Variants in NT5C2 observed in about 807,000 individuals in gnomAD.
NT5C2 encodes 5'-nucleotidase, cytosolic II, also known as cytosolic purine 5'-nucleotidase.
In NT5C2, 58 loss-of-function variants were observed where a neutral mutation model predicts 76.1. That is an observed-to-expected ratio of 0.76 (90% CI 0.62 to 0.95). NT5C2 has a LOEUF of 0.95. Ranked by LOEUF, NT5C2 falls within the 40% of genes least tolerant of loss-of-function variation. The pLI is 0.00. For synonymous variants in NT5C2, 229 were observed against 237.4 expected (o/e 0.96, Z 0.32); for missense variants, 478 against 690.3 (o/e 0.69, Z 3.45).
chr10:103,177,218 C>G (rs1298207943), intron 2 of NT5C2, among the ~76,000 whole-genome samples: 1 of 152,086 alleles, frequency 6.6e-6, no homozygotes, highest in Non-Finnish European at 1.5e-5. Flanking sequence ...GCAATAAAGA[C>G]TATGAACAAA....
chr10:103,111,967 T>C (rs2073154456), intron 4 of NT5C2, among the ~76,000 whole-genome samples: 1 of 152,220 alleles, frequency 6.6e-6, no homozygotes, highest in African/African-American at 2.4e-5. Context: ...ATCACTAAAA[T>C]TAGCCTAATT....
Position 103,089,739 on chromosome 10 carries a change from G to A in NT5C2, c.1619C>T (p.Ala540Val), listed in dbSNP as rs200203060. The A allele has an allele frequency of 6.2e-6, 10 of 1,613,686 alleles. No individual in the cohort carries two copies. The highest frequency in any genetic ancestry group is 1.1e-5 in the South Asian group (1 of 91,030). Reference sequence around the variant, plus strand: ...ATGGCAGTGTGTAATTTCCTGGGGGGCCAGTGGGAAGAGGTTGGGAGGTTT... The same window carrying A: ...ATGGCAGTGTGTAATTTCCTGGGGGACCAGTGGGAAGAGGTTGGGAGGTTT... Reference protein sequence around the residue: ...EIKPPNLFPLAPQEITHCHDE... With the variant: ...EIKPPNLFPLVPQEITHCHDE... The change falls in exon 19 of 19, where the codon GCC (alanine) becomes GTC (valine). Residue 540 changes from alanine (A) to valine (V), a missense_variant. Ala to Val is a moderately conservative substitution (Grantham distance 64, BLOSUM62 0). Coordinates refer to ENST00000404739, the MANE Select transcript of NT5C2 (RefSeq NM_001351169.2).
At chr10:103,190,001 T>C (rs11191601) in intron 1 of NT5C2, among the ~76,000 whole-genome samples, 39,870 of 137,002 alleles carry the variant, frequency 0.29, 6,003 homozygotes, top group Middle Eastern at 0.33. Flanking sequence ...GGCTTTCTTT[T>C]TTTTTTTTTT....
chr10:103,158,118 G>T (rs952895502), intron 3 of NT5C2, among the ~76,000 whole-genome samples: 2 of 150,472 alleles, frequency 1.3e-5, no homozygotes, highest in Admixed American at 1.3e-4. Context: ...CAAATATGTA[G>T]AAATTAAACA....
intron 11 of NT5C2, among the ~76,000 whole-genome samples, chr10:103,096,469 C>G (rs59356288): frequency 6.6e-6 from 1 of 152,144 alleles, no homozygotes; most frequent in East Asian, 1.9e-4. Context: ...TTTTAAGTGT[C>G]TCAGCAAAAG....
chr10:103,160,193 CA>C (rs1484371898), intron 3 of NT5C2, among the ~76,000 whole-genome samples: 3 of 151,632 alleles, frequency 2.0e-5, no homozygotes, highest in Non-Finnish European at 2.9e-5. Flanking sequence ...TAGTCATGTG[CA>C]AAAAAATGAA....
At chr10:103,146,049 C>T (rs2081419778) in intron 3 of NT5C2, 4 of 985,098 alleles carry the variant, frequency 4.1e-6, no homozygotes, top group Non-Finnish European at 4.8e-6. Context: ...CACTGGTTGC[C>T]GTTTTGAAAA....
At chr10:103,192,570 G>A (rs2092717346) in intron 1 of NT5C2, among the ~76,000 whole-genome samples, 1 of 152,242 alleles carries the variant, frequency 6.6e-6, no homozygotes, top group South Asian at 2.1e-4. Context: ...CCCTGACCAG[G>A]AGCTGTCCGG....
chr10:103,099,247 G>T (rs1352818492), intron 9 of NT5C2, among the ~76,000 whole-genome samples: 1 of 152,134 alleles, frequency 6.6e-6, no homozygotes, highest in East Asian at 1.9e-4. Context: ...CTAATTTTCT[G>T]TATTTCTTGT....
rs574871512 is a variant in NT5C2, at chr10:103,153,518, T to A, written c.102-14039A>T. 35 of 985,186 alleles carry A rather than the reference T, an allele frequency of 3.6e-5. No homozygotes were observed. The South Asian group carries it at 1.2e-3, about 33-fold the overall frequency. The allele number at this position is 985,186 out of a possible 1,614,324, so 61.0% of individuals were successfully genotyped here. A position where few individuals can be genotyped will look rare whatever the true frequency, so the allele number is the denominator to read the frequency against. On this transcript the variant is annotated intron_variant, in intron 3 of 18. Transcript: ENST00000404739. Reference sequence around the variant, plus strand: ...CTTGAAAACTTAAGAATAATTTTTTTAAAAATTTCAAGACTAGGAAAAATA... The same window carrying A: ...CTTGAAAACTTAAGAATAATTTTTTAAAAAATTTCAAGACTAGGAAAAATA...
At chr10:103,130,046 G>C (rs1453062653) in intron 4 of NT5C2, among the ~76,000 whole-genome samples, 1 of 151,804 alleles carries the variant, frequency 6.6e-6, no homozygotes, top group African/African-American at 2.4e-5. Flanking sequence ...CACCCTGTCT[G>C]GGAGGTGTGC....
intron 4 of NT5C2, among the ~76,000 whole-genome samples, chr10:103,109,917 C>G (rs570619492): frequency 6.6e-6 from 1 of 152,236 alleles, no homozygotes; most frequent in Non-Finnish European, 1.5e-5. Context: ...AAACACTATA[C>G]TTGCCACATT....
At chr10:103,176,023 C>T (rs571660638) in intron 2 of NT5C2, 28 of 173,542 alleles carry the variant, frequency 1.6e-4, no homozygotes, top group Non-Finnish European at 2.5e-4. Flanking sequence ...AGAAGAAGCC[C>T]CAGGCTACAG....
intron 2 of NT5C2, among the ~76,000 whole-genome samples, chr10:103,179,974 TGG>T (rs1411648375): frequency 1.3e-5 from 2 of 152,166 alleles, no homozygotes; most frequent in Non-Finnish European, 2.9e-5. Flanking sequence ...AGACAAGCTA[TGG>T]TTTGGGACAA....
At chr10:103,167,021 T>C (rs1474773923) in intron 3 of NT5C2, among the ~76,000 whole-genome samples, 1 of 143,644 alleles carries the variant, frequency 7.0e-6, no homozygotes. Context: ...ATTATTTTTC[T>C]TTTTTTTTTT....
At chr10:103,094,844 T>C (rs888252551) in intron 12 of NT5C2, among the ~76,000 whole-genome samples, 2 of 146,008 alleles carry the variant, frequency 1.4e-5, no homozygotes, top group Non-Finnish European at 3.0e-5. Flanking sequence ...ATCGTGCCAC[T>C]GCACTCCAGC....
At chr10:103,138,443 C>G (rs879340052) in intron 4 of NT5C2, among the ~76,000 whole-genome samples, 4 of 152,098 alleles carry the variant, frequency 2.6e-5, no homozygotes, top group Admixed American at 6.5e-5. Flanking sequence ...CTCTCACCCC[C>G]CGACAAGCCT....
At position 103,091,693 on chromosome 10, in the gene NT5C2, G is replaced by C. The variant is rs2066934750; in HGVS notation, c.1160-78C>G. ...GTTCTTAACTGCTGCTAAACTAAAA[G>C]GTTGCAGATGTGACTGGAAAGTAGA... On this transcript the variant is annotated intron_variant, in intron 15 of 18. Transcript: ENST00000404739. 5 of 1,199,192 alleles carry C rather than the reference G, an allele frequency of 4.2e-6. No homozygotes were observed. The South Asian group carries it at 5.0e-5, about 12-fold the overall frequency. 74.3% of individuals were successfully genotyped at this position (1,199,192 alleles called of 1,614,324 possible). A position where few individuals can be genotyped will look rare whatever the true frequency, so the allele number is the denominator to read the frequency against.
chr10:103,131,905 G>C (rs1262261188), intron 4 of NT5C2, among the ~76,000 whole-genome samples: 1 of 148,504 alleles, frequency 6.7e-6, no homozygotes. Context: ...CTGGGCAACA[G>C]AGTGAGACAC....
Sources: allele counts gnomAD v4.1 joint callset (sites outside exome capture counted in the v4.1 genomes callset), GRCh38; gene constraint gnomAD v4.1.1; transcripts MANE v1.5; gene names NCBI Gene and HGNC (gene_info 2026-07-23, HGNC 2026-07-21).